PLSCR2: variants seen among roughly 807,000 people sequenced by gnomAD.
PLSCR2 encodes phospholipid scramblase 2.
PLSCR2 carries 18 observed loss-of-function variants against 25.3 expected under a neutral mutation model. The ratio of observed to expected loss-of-function variants is 0.71; its 90% CI spans 0.49 to 1.06. The LOEUF (loss-of-function observed/expected upper bound fraction) is 1.06. Ranked by LOEUF, PLSCR2 falls within the 50% of genes least tolerant of loss-of-function variation. The pLI is 0.00. For missense variants in PLSCR2, 243 were observed against 269.5 expected, an observed-to-expected ratio of 0.90 and a Z score of 0.69; for synonymous variants, 88 against 87.3, an observed-to-expected ratio of 1.01 and a Z score of -0.04.
intron 2 of PLSCR2, among the ~76,000 whole-genome samples, chr3:146,420,986 T>A (rs1161641093): frequency 2.0e-5 from 3 of 152,124 alleles, no homozygotes; most frequent in African/African-American, 7.2e-5. Flanking sequence ...GTGTGGTCAC[T>A]TAGATTTATT....
At chr3:146,469,388 T>C in intron 1 of PLSCR2, 107 bp downstream of exon 1, 1 of 932,774 alleles carries the variant, frequency 1.1e-6, no homozygotes, top group East Asian at 1.2e-4. Flanking sequence ...CATTGGGCCC[T>C]TGCCCCGCCC....
chr3:146,401,669 C>T (rs375807242), intron 2 of PLSCR2: 45 of 152,402 alleles, frequency 3.0e-4, no homozygotes, highest in African/African-American at 1.0e-3. Context: ...ATAAACTGCT[C>T]GAATTTAGTT....
intron 1 of PLSCR2, chr3:146,494,945 G>C (rs1345667618): frequency 1.3e-5 from 2 of 152,148 alleles, no homozygotes; most frequent in South Asian, 2.1e-4. Context: ...TCTGATCCCA[G>C]TTTTATGGAT....
chr3:146,413,489 T>G (rs1319275544), intron 2 of PLSCR2, among the ~76,000 whole-genome samples: 1 of 152,192 alleles, frequency 6.6e-6, no homozygotes, highest in Non-Finnish European at 1.5e-5. Context: ...TCCTTCAATA[T>G]TTTGCATAGA....
Position 146,423,280 on chromosome 3 carries a change from T to TCG in PLSCR2, c.101-27360_101-27359insCG, listed in dbSNP as rs1283794654. On this transcript the variant is annotated intron_variant and NMD_transcript_variant, in intron 2 of 3. Coordinates refer to the PLSCR2 transcript ENST00000463633. ...CTCTCTCTCTCTCTCTCTCTCTCTC[T>TCG]CTCCCTGGCTAGATTCTCACAAGAA... 2.3e-5 allele frequency among the ~76,000 whole-genome samples: 3 copies of TCG among 132,572 alleles called. 1 individual carries two copies. The highest frequency in any genetic ancestry group is 4.8e-5 in the Non-Finnish European group (3 of 62,460). 87.0% of individuals were successfully genotyped at this position (132,572 alleles called of 152,430 possible).
intron 1 of PLSCR2, among the ~76,000 whole-genome samples, chr3:146,469,799 G>A (rs114560235): frequency 0.028 from 4,020 of 144,156 alleles, 216 homozygotes; most frequent in African/African-American, 0.097. Flanking sequence ...CGCCGTGTGC[G>A]ACGCGCAGCT....
intron 1 of PLSCR2, among the ~76,000 whole-genome samples, chr3:146,486,801 C>T (rs2043362034): frequency 6.6e-6 from 1 of 152,100 alleles, no homozygotes; most frequent in Admixed American, 6.5e-5. Context: ...AAGGACTCCT[C>T]CTTAATTCAT....
chr3:146,434,504 T>C (rs1461348176), intron 8 of PLSCR2, among the ~76,000 whole-genome samples: 1 of 152,052 alleles, frequency 6.6e-6, no homozygotes, highest in African/African-American at 2.4e-5. Flanking sequence ...ATGCAACTAG[T>C]AAAAGGAATG....
At chr3:146,494,319 T>G (rs993988009) in intron 1 of PLSCR2, among the ~76,000 whole-genome samples, 1 of 152,178 alleles carries the variant, frequency 6.6e-6, no homozygotes, top group Non-Finnish European at 1.5e-5. Flanking sequence ...ACATAAATAT[T>G]TCATATACAT....
intron 6 of PLSCR2, among the ~76,000 whole-genome samples, chr3:146,446,827 T>C (rs976916891): frequency 6.6e-6 from 1 of 152,108 alleles, no homozygotes; most frequent in Non-Finnish European, 1.5e-5. Context: ...AGGAATCTAC[T>C]TGCTGCTCTA....
exon 7 of PLSCR2, chr3:146,441,802 C>T (rs972396994): frequency 1.9e-6 from 3 of 1,591,862 alleles, no homozygotes; most frequent in Non-Finnish European, 2.6e-6. Context: ...TTACCTAGTT[C>T]TTTCAAAAAA....
At chr3:146,407,270 T>A (rs760592793) in intron 2 of PLSCR2, among the ~76,000 whole-genome samples, 1 of 152,200 alleles carries the variant, frequency 6.6e-6, no homozygotes, top group Non-Finnish European at 1.5e-5. Context: ...TGGTCTATTA[T>A]CAGACCTTAT....
At chr3:146,424,663 A>G (rs576342629) in intron 2 of PLSCR2, among the ~76,000 whole-genome samples, 31 of 152,254 alleles carry the variant, frequency 2.0e-4, no homozygotes, top group African/African-American at 7.5e-4. Context: ...GAAAAATTCC[A>G]GACATAAACA....
intron 1 of PLSCR2, among the ~76,000 whole-genome samples, chr3:146,491,551 TA>T (rs1430723372): frequency 1.3e-5 from 2 of 152,166 alleles, no homozygotes; most frequent in Non-Finnish European, 2.9e-5. Flanking sequence ...GTTCTTCATT[TA>T]AAAAAATATT....
exon 2 of PLSCR2, chr3:146,459,976 G>C (rs1295299658): frequency 1.2e-6 from 2 of 1,613,796 alleles, no homozygotes; most frequent in South Asian, 1.1e-5. Context: ...GGTGGGACTA[G>C]GTAGTCATGC....
upstream of PLSCR2, among the ~76,000 whole-genome samples, chr3:146,465,207 G>A (rs2041806282): frequency 6.6e-6 from 1 of 152,080 alleles, no homozygotes; most frequent in African/African-American, 2.4e-5. Flanking sequence ...TCCTGCTCAA[G>A]GTACCTTATA....
At chr3:146,479,322 A>G (rs185949389) in intron 1 of PLSCR2, among the ~76,000 whole-genome samples, 295 of 152,350 alleles carry the variant, frequency 1.9e-3, no homozygotes, top group African/African-American at 6.8e-3. Context: ...GTCAAGACCC[A>G]TCAGTGTGCT....
intron 2 of PLSCR2, among the ~76,000 whole-genome samples, chr3:146,397,090 A>G (rs528164590): frequency 1.3e-5 from 2 of 152,170 alleles, no homozygotes; most frequent in East Asian, 3.9e-4. Flanking sequence ...TTCATCAAGT[A>G]TTCAGCCTCT....
At chr3:146,417,949 G>A (rs148313259) in intron 2 of PLSCR2, among the ~76,000 whole-genome samples, 250 of 152,098 alleles carry the variant, frequency 1.6e-3, no homozygotes, top group Non-Finnish European at 2.8e-3. Context: ...GGTCCTCAGG[G>A]TTGCCTTTGT....
Sources: allele counts gnomAD v4.1 joint callset (sites outside exome capture counted in the v4.1 genomes callset), GRCh38; gene constraint gnomAD v4.1.1; transcripts MANE v1.5; gene names NCBI Gene and HGNC (gene_info 2026-07-23, HGNC 2026-07-21).